The following SCUBE2 variants were observed in gnomAD, a reference collection of about 807,000 sequenced individuals.
SCUBE2 encodes the protein signal peptide, CUB and EGF-like domain-containing protein 2.
A neutral mutation model predicts 125.9 loss-of-function variants in SCUBE2; 114 were observed. The observed-to-expected ratio is 0.91, with a 90% CI of 0.78 to 1.06. The LOEUF (loss-of-function observed/expected upper bound fraction) is 1.06, where lower values mean the gene tolerates loss of function less well. Ranked by LOEUF, SCUBE2 falls within the 50% of genes least tolerant of loss-of-function variation. SCUBE2 has a pLI of 0.00. For synonymous variants in SCUBE2, 459 were observed against 492.9 expected (o/e 0.93, Z 0.91); for missense variants, 1,255 against 1,301.8 (o/e 0.96, Z 0.55).
intron 6 of SCUBE2, among the ~76,000 whole-genome samples, chr11:9,066,353 G>A (rs1408894756): frequency 2.0e-5 from 3 of 152,140 alleles, no homozygotes; most frequent in Admixed American, 6.5e-5. Context: ...AGAAATATAC[G>A]GCCCTGGCTC....
chr11:9,048,342 G>A (rs1029212203), intron 14 of SCUBE2, among the ~76,000 whole-genome samples: 1 of 152,220 alleles, frequency 6.6e-6, no homozygotes, highest in African/African-American at 2.4e-5. Flanking sequence ...TGAATAAATG[G>A]GAGATGTTTC....
At chr11:9,061,675 G>A (rs2005421) in intron 7 of SCUBE2, among the ~76,000 whole-genome samples, 24,591 of 151,688 alleles carry the variant, frequency 0.16, 2,448 homozygotes, top group South Asian at 0.37. Flanking sequence ...AAAACCTCAC[G>A]AATATGAGAA....
intron 19 of SCUBE2, among the ~76,000 whole-genome samples, chr11:9,029,030 C>A (rs1856035205): frequency 6.6e-6 from 1 of 151,586 alleles, no homozygotes; most frequent in Admixed American, 6.6e-5. Flanking sequence ...TGATGTACTG[C>A]CCCCCTCAGT....
chr11:9,037,043 T>C (rs777224322), intron 16 of SCUBE2, among the ~76,000 whole-genome samples: 1 of 152,196 alleles, frequency 6.6e-6, no homozygotes, highest in African/African-American at 2.4e-5. Flanking sequence ...CCAAATATAT[T>C]TGATTCTTTC....
At chr11:9,028,445 A>G (rs1448671611) in intron 19 of SCUBE2, among the ~76,000 whole-genome samples, 1 of 152,206 alleles carries the variant, frequency 6.6e-6, no homozygotes, top group Admixed American at 6.5e-5. Flanking sequence ...ACATGTGCAC[A>G]TGCTTGCACA....
At chr11:9,078,049 C>T (rs1861343618) in intron 3 of SCUBE2, among the ~76,000 whole-genome samples, 1 of 152,076 alleles carries the variant, frequency 6.6e-6, no homozygotes. Flanking sequence ...CCTCCAAATG[C>T]CCTCATTGGC....
At position 9,089,546 on chromosome 11, in the gene SCUBE2, C is replaced by A. The variant is rs567180747; in HGVS notation, c.256+161G>T. Among the ~76,000 whole-genome samples the A allele has an allele frequency of 6.4e-4, 98 of 152,284 alleles. 1 individual carries two copies. Among genetic ancestry groups the A allele is most frequent in the Admixed American group, 1.4e-3 (21 of 15,306 alleles). On this transcript the variant is annotated intron_variant, in intron 2 of 22. Coordinates refer to ENST00000649792, the MANE Select transcript of SCUBE2 (RefSeq NM_001367977.2). ...CTGGGGAAGACCTAATGTTTCCAGT[C>A]CAAGATCTGAAATATATTTCAGAGA...
chr11:9,062,436 A>G (rs78492071), intron 7 of SCUBE2, among the ~76,000 whole-genome samples: 3 of 152,226 alleles, frequency 2.0e-5, no homozygotes, highest in South Asian at 2.1e-4. Flanking sequence ...TCACCCAAAC[A>G]TGAAGCCCAC....
intron 21 of SCUBE2, chr11:9,024,344 C>G (rs994008160): frequency 4.2e-5 from 53 of 1,275,046 alleles, no homozygotes; most frequent in Non-Finnish European, 5.2e-5. Flanking sequence ...ATGTGGGAGG[C>G]ATTTGGGTCC....
At chr11:9,045,294 T>A (rs941426026) in intron 16 of SCUBE2, among the ~76,000 whole-genome samples, 1 of 152,298 alleles carries the variant, frequency 6.6e-6, no homozygotes, top group Non-Finnish European at 1.5e-5. Context: ...TAGGGAGCTG[T>A]GGAGAGAACT....
chr11:9,045,225 A>T (rs930121965), intron 16 of SCUBE2, among the ~76,000 whole-genome samples: 1 of 152,104 alleles, frequency 6.6e-6, no homozygotes, highest in Non-Finnish European at 1.5e-5. Flanking sequence ...GTGCATAAAA[A>T]CAGTTGTGGA....
chr11:9,040,501 G>T lies in SCUBE2; in HGVS notation c.2003-6705C>A, dbSNP rs546018010. Among the ~76,000 whole-genome samples, 5 of 143,204 alleles carry T rather than the reference G, an allele frequency of 3.5e-5. No individual in the cohort carries two copies. In the East Asian group the frequency reaches 1.1e-3, roughly 31 times the overall value. 93.9% of individuals were successfully genotyped at this position (143,204 alleles called of 152,430 possible). On this transcript the variant is annotated intron_variant, in intron 16 of 22. Coordinates refer to ENST00000649792, the MANE Select transcript of SCUBE2 (RefSeq NM_001367977.2). Reference sequence around the variant, plus strand: ...AGGATGGGGAGGGTACACAGCGTGGGTACGCAGGAGAAAGGGAGGATTCAT... The same window carrying T: ...AGGATGGGGAGGGTACACAGCGTGGTTACGCAGGAGAAAGGGAGGATTCAT...
At chr11:9,089,370 G>C (rs1862412104) in intron 2 of SCUBE2, among the ~76,000 whole-genome samples, 2 of 152,222 alleles carry the variant, frequency 1.3e-5, no homozygotes, top group African/African-American at 2.4e-5. Context: ...GATCAGCCCT[G>C]CTCTGGCAGG....
chr11:9,038,246 CAG>C (rs373990404), intron 16 of SCUBE2, among the ~76,000 whole-genome samples: 10 of 152,214 alleles, frequency 6.6e-5, no homozygotes, highest in Admixed American at 3.9e-4. Context: ...AAAAGGAAAA[CAG>C]GGGAAGATTA....
At position 9,021,259 on chromosome 11, in the gene SCUBE2, A is replaced by G. The variant is rs1855271512; in HGVS notation, c.2935-62T>C. ...ATTTAAATATGCTGACATTTTGCCC[A>G]TGGAACTATAATGACCCAGTATTAG... is the stretch of plus-strand genomic sequence containing the variant. On this transcript the variant is annotated intron_variant, in intron 22 of 22. Transcript: ENST00000649792. The G allele has an allele frequency of 4.1e-6, 6 of 1,449,284 alleles. No individual in the cohort carries two copies. The East Asian group carries it at 1.2e-4, about 29-fold the overall frequency. 89.8% of individuals were successfully genotyped at this position (1,449,284 alleles called of 1,614,324 possible). A position where few individuals can be genotyped will look rare whatever the true frequency, so the allele number is the denominator to read the frequency against.
intron 18 of SCUBE2, 65 bp from the exon 19 acceptor site, chr11:9,030,110 C>CAAAG (rs1345679368): frequency 8.4e-6 from 13 of 1,544,278 alleles, no homozygotes; most frequent in African/African-American, 2.8e-5. Flanking sequence ...AAATGCAGCA[C>CAAAG]AAAGATTTTA....
rs529419692 is a variant in SCUBE2 at position 9,052,959 on chromosome 11, G to A, written c.1448-127C>T. On this transcript the variant is annotated intron_variant, in intron 12 of 22. Transcript: ENST00000649792. ...AAAAATGCCCAGCATATGGGGTCTC[G>A]AAGCATGGACCTCTCAAAGCACGGT... 13 of 1,031,042 alleles carry A rather than the reference G, an allele frequency of 1.3e-5. No individual in the cohort carries two copies. In the East Asian group the frequency reaches 1.3e-4, roughly 10 times the overall value. 63.9% of individuals were successfully genotyped at this position (1,031,042 alleles called of 1,614,324 possible). A position where few individuals can be genotyped will look rare whatever the true frequency, so the allele number is the denominator to read the frequency against.
rs377096627 is a variant in SCUBE2 at position 9,025,878 on chromosome 11, G to A, written c.2702-24C>T. On this transcript the variant is annotated intron_variant, in intron 20 of 22. Transcript: ENST00000649792. The stretch of plus-strand genomic sequence containing the variant: ...AGCTGCCAAGGGAAGTTGGAGAAGG[G>A]TGGGGTTCAAGACTCATCACTGATC... 5.0e-6 allele frequency: 8 copies of A among 1,610,678 alleles called. No homozygotes were observed. The African/African-American group carries it at 9.3e-5, about 19-fold the overall frequency.
rs78111318 is a variant in SCUBE2, at chr11:9,069,314, G to T, written c.643+56C>A. 1.7e-3 allele frequency: 2,713 copies of T among 1,602,162 alleles called. 41 individuals are homozygous for T. The African/African-American group carries it at 0.033, about 19-fold the overall frequency. ...GGTGCTTCTGAGCTGGGCCACAGAA[G>T]GCAGCCTGTGGAATACGACGGTTCC... On this transcript the variant is annotated intron_variant, in intron 5 of 22. Coordinates refer to ENST00000649792, the MANE Select transcript of SCUBE2 (RefSeq NM_001367977.2).
Sources: allele counts gnomAD v4.1 joint callset (sites outside exome capture counted in the v4.1 genomes callset), GRCh38; gene constraint gnomAD v4.1.1; transcripts MANE v1.5; gene names NCBI Gene and HGNC (gene_info 2026-07-23, HGNC 2026-07-21).